The following CLEC17A variants were observed in gnomAD, a reference collection of about 807,000 sequenced individuals.
CLEC17A encodes C-type lectin domain family 17, member A.
In CLEC17A, 37 loss-of-function variants were observed where a neutral mutation model predicts 61.3. That is an observed-to-expected ratio of 0.60 (90% CI 0.46 to 0.79). CLEC17A has a LOEUF of 0.79. Ranked by LOEUF, CLEC17A falls within the 30% of genes least tolerant of loss-of-function variation. The pLI is 0.00. For synonymous variants in CLEC17A, 168 were observed against 164.9 expected (o/e 1.02, Z -0.14); for missense variants, 418 against 464.7 (o/e 0.90, Z 0.92).
At chr19:14,583,582 A>T in intron 2 of CLEC17A, 148 bp downstream of exon 2, 1 of 1,504,930 alleles carries the variant, frequency 6.6e-7, no homozygotes, top group Non-Finnish European at 8.9e-7. Flanking sequence ...GCCCAGGACG[A>T]CCTGTCAGTC....
upstream of CLEC17A, among the ~76,000 whole-genome samples, chr19:14,582,166 T>A (rs567719529): frequency 6.6e-5 from 10 of 152,192 alleles, no homozygotes; most frequent in Non-Finnish European, 1.0e-4. Context: ...GCCTTTTTTT[T>A]GTGTCAAATC....
intron 12 of CLEC17A, among the ~76,000 whole-genome samples, chr19:14,601,930 C>T (rs1295921061): frequency 6.6e-6 from 1 of 151,858 alleles, no homozygotes; most frequent in Non-Finnish European, 1.5e-5. Context: ...GTAGCTGGGA[C>T]TACAGGCGCC....
rs1282947946 is a variant in CLEC17A, at chr19:14,610,063, G to C, written c.1005-1G>C. 3 of 1,612,806 alleles carry C rather than the reference G, an allele frequency of 1.9e-6. No individual in the cohort carries two copies. In the Admixed American group the frequency reaches 5.0e-5, roughly 27 times the overall value. On this transcript the variant is annotated splice_acceptor_variant, in intron 13 of 13. Coordinates refer to ENST00000417570, the MANE Select transcript of CLEC17A (RefSeq NM_001204118.2). LOFTEE classifies it high-confidence loss of function. The stretch of plus-strand genomic sequence containing the variant: ...CTCTGCCCACTTTTTCCTCCATCCA[G>C]CTTCTGGGAGCCAGAGGAACCCAAT...
At chr19:14,588,103 T>G (rs2074328944) in intron 3 of CLEC17A, among the ~76,000 whole-genome samples, 1 of 152,034 alleles carries the variant, frequency 6.6e-6, no homozygotes, top group Non-Finnish European at 1.5e-5. Flanking sequence ...CTCCTCACCT[T>G]TCTACCCAAA....
intron 10 of CLEC17A, 82 bp from the exon 11 acceptor site, chr19:14,599,635 C>G (rs1354199702): frequency 2.0e-6 from 2 of 979,038 alleles, no homozygotes; most frequent in Non-Finnish European, 3.2e-6. Flanking sequence ...CCTTGCTTCT[C>G]TCTCTGATGT....
chr19:14,595,710 G>A (rs1274936296), intron 8 of CLEC17A, among the ~76,000 whole-genome samples: 1 of 115,002 alleles, frequency 8.7e-6, no homozygotes, highest in East Asian at 2.7e-4. Context: ...GGTGATGGTG[G>A]AGATACTGAT....
At chr19:14,605,612 C>G (rs1398892551) in intron 12 of CLEC17A, among the ~76,000 whole-genome samples, 2 of 152,172 alleles carry the variant, frequency 1.3e-5, no homozygotes, top group Admixed American at 6.6e-5. Context: ...CTCCCTGCCC[C>G]CTACTTGCAA....
intron 3 of CLEC17A, among the ~76,000 whole-genome samples, chr19:14,591,898 A>ATGTGTGTGTGTGTGTGTGTG (rs747656450): frequency 3.6e-4 from 50 of 139,018 alleles, no homozygotes; most frequent in South Asian, 9.5e-4. Flanking sequence ...CCGGAGAAAA[A>ATGTGTGTGTGTGTGTGTGTG]TGTGTGTGTG....
intron 12 of CLEC17A, among the ~76,000 whole-genome samples, chr19:14,605,861 C>T (rs1374120424): frequency 2.6e-5 from 4 of 152,112 alleles, no homozygotes; most frequent in Admixed American, 6.6e-5. Flanking sequence ...ACCTCAGCCT[C>T]CTGAGTAGCT....
rs2075015865 is a variant in CLEC17A, at chr19:14,610,238, T to C, written c.*42T>C. On this transcript the variant is annotated 3_prime_UTR_variant, in exon 14 of 14. Transcript: ENST00000417570. ...TGGGGGTCCATATCTGAGTGTCTCT[T>C]TGAGATGAGAATCTCCTGCCCTTTC... 6.5e-7 allele frequency: 1 copy of C among 1,544,642 alleles called. No homozygotes were observed. The highest frequency in any genetic ancestry group is 8.7e-7 in the Non-Finnish European group (1 of 1,146,820).
chr19:14,591,363 C>G (rs1476659791), intron 3 of CLEC17A, among the ~76,000 whole-genome samples: 1 of 151,520 alleles, frequency 6.6e-6, no homozygotes, highest in African/African-American at 2.4e-5. Context: ...ACCATGTTAG[C>G]CAGGATAGTC....
Position 14,604,160 on chromosome 19 carries a change from C to T in CLEC17A, c.895-2833C>T, listed in dbSNP as rs1209537970. On this transcript the variant is annotated intron_variant, in intron 12 of 13. Coordinates refer to ENST00000417570, the MANE Select transcript of CLEC17A (RefSeq NM_001204118.2). ...CTGATGGGACAGGAAGACCTTTCCG[C>T]TCTCTGATTTTCTGACACCTCCCTG... Among the ~76,000 whole-genome samples, 3 of 152,136 alleles carry T rather than the reference C, an allele frequency of 2.0e-5. No homozygotes were observed. In the South Asian group the frequency reaches 6.2e-4, roughly 32 times the overall value.
At chr19:14,581,926 A>G (rs2074186717), upstream of CLEC17A, among the ~76,000 whole-genome samples, 2 of 152,114 alleles carry the variant, frequency 1.3e-5, no homozygotes, top group Non-Finnish European at 1.5e-5. Context: ...TGTTGGGATT[A>G]CAGGTGTGAG....
chr19:14,583,111 C>G lies in CLEC17A; in HGVS notation c.-50C>G. On this transcript the variant is annotated 5_prime_UTR_variant, in exon 1 of 14. Coordinates refer to ENST00000417570, the MANE Select transcript of CLEC17A (RefSeq NM_001204118.2). ...ACGCCTGAGTCGGAGAGACAGGGGG[C>G]AGAGGTTGCCAAGCCCTGGCTGCCA... The G allele has an allele frequency of 6.2e-7, 1 of 1,608,026 alleles. No homozygotes were observed. Among genetic ancestry groups the G allele is most frequent in the South Asian group, 1.1e-5 (1 of 90,814 alleles).
chr19:14,607,181 A>G (rs2074901210), intron 13 of CLEC17A, 79 bp downstream of exon 13: 1 of 551,828 alleles, frequency 1.8e-6, no homozygotes, highest in Non-Finnish European at 2.7e-6. Context: ...GTGATGGAGT[A>G]CATGGTTGAA....
Position 14,597,118 on chromosome 19 carries a change from A to T in CLEC17A, c.603A>T (p.Glu201Asp). The part of the protein sequence containing the change: ...TLIKYQELME[E>D]LRMLSFQQMT... ...TCATAGACCAGGAGTTGATGGAAGA[A>T]CTGAGAATGTTAAGCTTTCAGCAGA... The change falls in exon 10 of 14, where the codon GAA becomes GAT. Residue 201 changes from glutamate to aspartate, a missense_variant. Physicochemically the swap from Glu to Asp is conservative, Grantham distance 45 (BLOSUM62 2). Coordinates refer to ENST00000417570, the MANE Select transcript of CLEC17A (RefSeq NM_001204118.2). 6.2e-7 allele frequency: 1 copy of T among 1,613,276 alleles called. No individual in the cohort carries two copies. The highest frequency in any genetic ancestry group is 8.5e-7 in the Non-Finnish European group (1 of 1,179,616).
Position 14,592,406 on chromosome 19 carries a change from G to T in CLEC17A, c.277+48G>T, listed in dbSNP as rs770078701. ...GACCTGGGGGAATACAGGGAACAGGGTTTCCAGGAGGCATTGGCTGGGCAT... is the reference window on the plus strand; with the variant it reads ...GACCTGGGGGAATACAGGGAACAGGTTTTCCAGGAGGCATTGGCTGGGCAT... On this transcript the variant is annotated intron_variant, in intron 4 of 13. Transcript: ENST00000417570. 8 of 1,609,686 alleles carry T rather than the reference G, an allele frequency of 5.0e-6. No homozygotes were observed. The African/African-American group carries it at 9.4e-5, about 19-fold the overall frequency.
At chr19:14,608,064 G>A (rs556857046) in intron 13 of CLEC17A, among the ~76,000 whole-genome samples, 21 of 152,046 alleles carry the variant, frequency 1.4e-4, no homozygotes, top group African/African-American at 5.1e-4. Flanking sequence ...TAGAGATGGG[G>A]TTTTAGTGTG....
At chr19:14,607,902 G>A (rs928570777) in intron 13 of CLEC17A, among the ~76,000 whole-genome samples, 2 of 150,298 alleles carry the variant, frequency 1.3e-5, no homozygotes, top group Non-Finnish European at 1.5e-5. Flanking sequence ...AGACAGTCTC[G>A]CCCTGTCACC....
Sources: allele counts gnomAD v4.1 joint callset (sites outside exome capture counted in the v4.1 genomes callset), GRCh38; gene constraint gnomAD v4.1.1; transcripts MANE v1.5; gene names NCBI Gene and HGNC (gene_info 2026-07-23, HGNC 2026-07-21).